The following PTK2 variants were observed in gnomAD, a reference collection of about 807,000 sequenced individuals.
The protein encoded by PTK2 is focal adhesion kinase 1.
Under a neutral mutation model 150.1 loss-of-function variants are expected in PTK2, and 45 were observed. That is an observed-to-expected ratio of 0.30 (90% CI 0.24 to 0.38). The LOEUF (loss-of-function observed/expected upper bound fraction) is 0.38. Among genes scored for constraint, PTK2 ranks in the 10% least tolerant of loss-of-function variants. The pLI is 1.00. For synonymous variants in PTK2, 432 were observed against 449.2 expected (o/e 0.96, Z 0.48); for missense variants, 919 against 1,307.3 (o/e 0.70, Z 4.58).
At chr8:140,727,491 C>CA (rs569200313) in intron 22 of PTK2, among the ~76,000 whole-genome samples, 3,189 of 88,978 alleles carry the variant, frequency 0.036, 69 homozygotes, top group African/African-American at 0.087. Flanking sequence ...GATAGCAATG[C>CA]AAAAAAAAAA....
intron 22 of PTK2, 24 bp from the exon 26 acceptor site, chr8:140,717,733 A>AG (rs757452527): frequency 6.3e-7 from 1 of 1,590,174 alleles, no homozygotes; most frequent in Non-Finnish European, 8.6e-7. Context: ...ACATTGTCTT[A>AG]GGGGAGCTGA....
intron 23 of PTK2, among the ~76,000 whole-genome samples, chr8:140,715,423 C>T (rs371300317): frequency 2.0e-5 from 3 of 151,932 alleles, no homozygotes; most frequent in Non-Finnish European, 2.9e-5. Flanking sequence ...CTGCTCGCCT[C>T]GGCCTCCCAA....
chr8:140,725,507 A>G (rs2100045221), intron 22 of PTK2, among the ~76,000 whole-genome samples: 1 of 152,222 alleles, frequency 6.6e-6, no homozygotes, highest in Non-Finnish European at 1.5e-5. Context: ...TTCAGTGGCC[A>G]TTAGTGAGAA....
intron 2 of PTK2, among the ~76,000 whole-genome samples, chr8:140,922,355 G>A (rs2100167795): frequency 6.6e-6 from 1 of 151,770 alleles, no homozygotes; most frequent in African/African-American, 2.4e-5. Context: ...AGGGGCTCCA[G>A]AAAAACATGA....
At chr8:140,769,160 T>A (rs1464049518) in intron 14 of PTK2, among the ~76,000 whole-genome samples, 5 of 152,196 alleles carry the variant, frequency 3.3e-5, no homozygotes, top group Non-Finnish European at 7.4e-5. Flanking sequence ...TGTGAGTCTT[T>A]AAAATCATTT....
chr8:140,874,308 T>C (rs1403334533), intron 4 of PTK2, among the ~76,000 whole-genome samples: 1 of 152,200 alleles, frequency 6.6e-6, no homozygotes, highest in Non-Finnish European at 1.5e-5. Flanking sequence ...ATAGACTCTA[T>C]AGCAGATAGC....
chr8:140,660,544 T>C, intron 31 of PTK2: 1 of 447,786 alleles, frequency 2.2e-6, no homozygotes, highest in Admixed American at 2.4e-5. Flanking sequence ...GGCAACATGG[T>C]GAAACCCCAT....
chr8:140,934,281 G>A (rs954432879), intron 1 of PTK2, among the ~76,000 whole-genome samples: 6 of 152,034 alleles, frequency 3.9e-5, no homozygotes, highest in Non-Finnish European at 7.4e-5. Flanking sequence ...AGTGTCATGC[G>A]CCTGTAGTCC....
chr8:140,679,011 T>TTTTTG (rs1564184831), intron 27 of PTK2, among the ~76,000 whole-genome samples: 57 of 23,826 alleles, frequency 2.4e-3, no homozygotes, highest in African/African-American at 6.9e-3. Context: ...ATGTTTTTTT[T>TTTTTG]TTTTTTTTTT....
intron 23 of PTK2, among the ~76,000 whole-genome samples, chr8:140,714,151 G>A (rs1220892600): frequency 6.6e-6 from 1 of 152,184 alleles, no homozygotes; most frequent in Non-Finnish European, 1.5e-5. Flanking sequence ...GTCTCCCAAA[G>A]CACCGCAATT....
chr8:140,908,717 C>T (rs571462258), intron 2 of PTK2, among the ~76,000 whole-genome samples: 1 of 152,290 alleles, frequency 6.6e-6, no homozygotes, highest in East Asian at 1.9e-4. Context: ...CATATGACAG[C>T]CCCTCAGAAG....
At chr8:140,724,669 G>A (rs889158979) in intron 22 of PTK2, among the ~76,000 whole-genome samples, 1 of 152,134 alleles carries the variant, frequency 6.6e-6, no homozygotes, top group Non-Finnish European at 1.5e-5. Context: ...AAAGTCAAGC[G>A]GGAACTGGCT....
At chr8:140,985,298 A>G (rs1165787772) in intron 1 of PTK2, among the ~76,000 whole-genome samples, 1 of 151,808 alleles carries the variant, frequency 6.6e-6, no homozygotes, top group Non-Finnish European at 1.5e-5. Context: ...TAATTTTGTT[A>G]AATTTTTGTA....
intron 17 of PTK2, 130 bp downstream of exon 20, chr8:140,752,102 G>T: frequency 5.0e-6 from 4 of 802,832 alleles, no homozygotes; most frequent in Non-Finnish European, 8.3e-6. Flanking sequence ...ACATTAATTT[G>T]CAAGGCAAAA....
intron 1 of PTK2, among the ~76,000 whole-genome samples, chr8:141,000,655 C>A (rs1341636052): frequency 6.6e-6 from 1 of 150,894 alleles, no homozygotes; most frequent in Non-Finnish European, 1.5e-5. Context: ...TCCGCGCGCC[C>A]GGCCTTTTCG....
intron 23 of PTK2, among the ~76,000 whole-genome samples, chr8:140,708,832 T>C (rs1485635195): frequency 6.6e-6 from 1 of 152,196 alleles, no homozygotes; most frequent in African/African-American, 2.4e-5. Context: ...ATATACGCAT[T>C]AATGATGGTT....
At chr8:140,733,124 G>C (rs2100050525) in intron 22 of PTK2, among the ~76,000 whole-genome samples, 1 of 152,172 alleles carries the variant, frequency 6.6e-6, no homozygotes, top group African/African-American at 2.4e-5. Flanking sequence ...CAGACAGATG[G>C]GAAAAGAGCG....
At chr8:140,775,451 C>T (rs2100077865) in intron 14 of PTK2, among the ~76,000 whole-genome samples, 1 of 152,076 alleles carries the variant, frequency 6.6e-6, no homozygotes, top group Admixed American at 6.6e-5. Context: ...CGCCACTGCA[C>T]TCCAGTCTGG....
At chr8:140,851,506 T>C (rs2100129249) in intron 5 of PTK2, among the ~76,000 whole-genome samples, 1 of 152,232 alleles carries the variant, frequency 6.6e-6, no homozygotes, top group Admixed American at 6.5e-5. Context: ...AACAAATGTT[T>C]CCATTATCTC....
Sources: gnomAD v4.1 joint callset for allele counts (sites outside exome capture counted in the v4.1 genomes callset) on GRCh38, gnomAD v4.1.1 for gene constraint, MANE v1.5 for transcripts, NCBI Gene and HGNC (gene_info 2026-07-23, HGNC 2026-07-21) for gene names.